Variants in PARN observed in about 807,000 individuals in gnomAD.
PARN encodes the protein poly(A)-specific ribonuclease, also known as poly(A)-specific ribonuclease PARN.
In PARN, 71 loss-of-function variants were observed where a neutral mutation model predicts 102.8. The ratio of observed to expected loss-of-function variants is 0.69; its 90% CI spans 0.57 to 0.84. The LOEUF is 0.84. Ranked by LOEUF, PARN falls within the 40% of genes least tolerant of loss-of-function variation. The pLI is 0.00. For synonymous variants in PARN, 261 were observed against 252.9 expected, an observed-to-expected ratio of 1.03 and a Z score of -0.30; for missense variants, 782 against 760.9, an observed-to-expected ratio of 1.03 and a Z score of -0.33.
chr16:14,572,479 T>C (rs1003922620), intron 18 of PARN, among the ~76,000 whole-genome samples: 1 of 152,198 alleles, frequency 6.6e-6, no homozygotes, highest in African/African-American at 2.4e-5. Flanking sequence ...CAGCATGCAA[T>C]TGCTTTCTAT....
At chr16:14,604,104 T>C in intron 11 of PARN, 42 bp downstream of exon 11, 1 of 1,083,204 alleles carries the variant, frequency 9.2e-7, no homozygotes, top group African/African-American at 1.5e-5. Flanking sequence ...AATATTTATG[T>C]TGCCATTTCT....
chr16:14,598,137 C>G (rs1260280757), intron 12 of PARN, among the ~76,000 whole-genome samples: 5 of 151,130 alleles, frequency 3.3e-5, no homozygotes, highest in African/African-American at 1.2e-4. Context: ...AGCGAGACTC[C>G]GGCTCAAAAA....
At chr16:14,438,023 G>A (rs1471354472) in intron 23 of PARN, among the ~76,000 whole-genome samples, 2 of 152,094 alleles carry the variant, frequency 1.3e-5, no homozygotes, top group Non-Finnish European at 2.9e-5. Flanking sequence ...TTCTGCCCTG[G>A]GTCTCATCGC....
At position 14,615,303 on chromosome 16, in the gene PARN, G is replaced by GAA. The variant is rs201764886; in HGVS notation, c.388+2285_388+2286dup. Among the ~76,000 whole-genome samples the GAA allele has an allele frequency of 1.5e-3, 190 of 129,380 alleles. 2 individuals carry two copies. The highest frequency in any genetic ancestry group is 4.7e-3 in the African/African-American group (167 of 35,270). The allele number at this position is 129,380 out of a possible 152,430, so 84.9% of individuals were successfully genotyped here. On this transcript the variant is annotated intron_variant, in intron 6 of 23. Transcript: ENST00000437198. Reference sequence around the variant, plus strand: ...TCTGGCTGTTTCTCTTCTTTTATGGGAAAAAAAAAAAAAAACAAGTTAGAA... The same window carrying GAA: ...TCTGGCTGTTTCTCTTCTTTTATGGGAAAAAAAAAAAAAAAAACAAGTTAGAA...
intron 18 of PARN, among the ~76,000 whole-genome samples, chr16:14,577,046 C>T (rs1270276322): frequency 2.6e-5 from 4 of 152,086 alleles, no homozygotes; most frequent in East Asian, 3.9e-4. Context: ...TATTTCCCTT[C>T]GAGGTTTACT....
chr16:14,584,786 AAG>A lies in PARN; in HGVS notation c.966_967del (p.Leu323GlyfsTer3). 2.6e-6 allele frequency: 4 copies of A among 1,548,358 alleles called. No homozygotes were observed. The highest frequency in any genetic ancestry group is 3.5e-6 in the Non-Finnish European group (4 of 1,149,662). On this transcript the variant is annotated frameshift_variant, in exon 15 of 24. Transcript: ENST00000437198. LOFTEE classifies it high-confidence loss of function. ...TGTGCTGGCCATCAATTTAGTATCC[AAG>A]AGTCTAAAAAGAATTTTTAACAAGG... is the stretch of plus-strand genomic sequence containing the variant.
At chr16:14,512,114 T>C (rs971093746) in intron 21 of PARN, among the ~76,000 whole-genome samples, 1 of 152,240 alleles carries the variant, frequency 6.6e-6, no homozygotes, top group African/African-American at 2.4e-5. Flanking sequence ...CAAAAGTCAG[T>C]ATGACAAAGA....
At chr16:14,527,011 C>T (rs1333680664) in intron 21 of PARN, among the ~76,000 whole-genome samples, 1 of 152,244 alleles carries the variant, frequency 6.6e-6, no homozygotes, top group East Asian at 1.9e-4. Flanking sequence ...GAACAACAAA[C>T]ACTCCAGTCT....
At chr16:14,537,890 G>A (rs920735730) in intron 21 of PARN, among the ~76,000 whole-genome samples, 1 of 152,160 alleles carries the variant, frequency 6.6e-6, no homozygotes, top group African/African-American at 2.4e-5. Context: ...TGTGGTAAAT[G>A]TGGTTAAATA....
chr16:14,481,786 A>T (rs758904553), intron 22 of PARN, among the ~76,000 whole-genome samples: 6 of 152,204 alleles, frequency 3.9e-5, no homozygotes, highest in Non-Finnish European at 5.9e-5. Flanking sequence ...TATAATGAAC[A>T]TATGTATGTA....
rs375818973 is a variant in PARN, at chr16:14,610,658, A to G, written c.540T>C (p.Phe180=). ...TAGGAACTTACACCACTTGGTCAAT[A>G]AACTTCTTTTGATCCTCAGGAATCG... is the stretch of plus-strand genomic sequence containing the variant. ...PVTIPEDQKK[F]IDQVVEKIED... The change falls in exon 7 of 24, where the codon TTT becomes TTC. Residue 180 remains phenylalanine, a synonymous_variant. Coordinates refer to ENST00000437198, the MANE Select transcript of PARN (RefSeq NM_002582.4). 98 of 1,608,660 alleles carry G rather than the reference A, an allele frequency of 6.1e-5. No individual in the cohort carries two copies. Among genetic ancestry groups the G allele is most frequent in the Non-Finnish European group, 8.1e-5 (95 of 1,175,272 alleles).
At chr16:14,570,321 C>CAAAAAAAAAAA (rs59965954) in intron 18 of PARN, among the ~76,000 whole-genome samples, 23 of 63,064 alleles carry the variant, frequency 3.6e-4, no homozygotes, top group African/African-American at 8.3e-4. Context: ...GACTCTGTCT[C>CAAAAAAAAAAA]AAAAAAAAAA....
At chr16:14,469,561 C>G (rs1055541960) in intron 22 of PARN, among the ~76,000 whole-genome samples, 2 of 152,124 alleles carry the variant, frequency 1.3e-5, no homozygotes, top group Non-Finnish European at 2.9e-5. Context: ...AACATGGAAC[C>G]ACCTATCAGT....
intron 18 of PARN, among the ~76,000 whole-genome samples, chr16:14,566,330 G>A (rs1731330784): frequency 6.6e-6 from 1 of 152,176 alleles, no homozygotes; most frequent in Non-Finnish European, 1.5e-5. Flanking sequence ...ACACACAGAG[G>A]AGGAGGAGGC....
intron 5 of PARN, among the ~76,000 whole-genome samples, chr16:14,624,193 A>G (rs989891768): frequency 6.6e-6 from 1 of 152,170 alleles, no homozygotes; most frequent in African/African-American, 2.4e-5. Flanking sequence ...TTTAAGGGTG[A>G]TAAGAGCTTT....
intron 21 of PARN, among the ~76,000 whole-genome samples, chr16:14,493,944 A>G (rs766080417): frequency 7.2e-5 from 11 of 152,264 alleles, no homozygotes; most frequent in Non-Finnish European, 1.2e-4. Context: ...TAATGCTTGT[A>G]AAGAACTATG....
chr16:14,629,693 G>A lies in PARN; in HGVS notation c.20-19C>T, dbSNP rs1214041682. 5.0e-6 allele frequency: 8 copies of A among 1,586,030 alleles called. No homozygotes were observed. The highest frequency in any genetic ancestry group is 6.9e-6 in the Non-Finnish European group (8 of 1,154,380). ...TTAAAATCTGCGGAGAAACCGAAAA[G>A]AGGCTCAGAACCAGTGGCCTGAATT... On this transcript the variant is annotated intron_variant, in intron 1 of 23. Transcript: ENST00000437198.
chr16:14,614,784 G>T (rs573685480), intron 6 of PARN, among the ~76,000 whole-genome samples: 2 of 145,400 alleles, frequency 1.4e-5, no homozygotes, highest in South Asian at 4.6e-4. Context: ...GGAGGCAGAG[G>T]TGGTGGTGAG....
At chr16:14,510,682 G>A (rs1965140424) in intron 21 of PARN, among the ~76,000 whole-genome samples, 1 of 152,202 alleles carries the variant, frequency 6.6e-6, no homozygotes, top group Non-Finnish European at 1.5e-5. Context: ...CCATGCCAGA[G>A]AAGTGTGTTT....
Sources: gnomAD v4.1 joint callset for allele counts (sites outside exome capture counted in the v4.1 genomes callset) on GRCh38, gnomAD v4.1.1 for gene constraint, MANE v1.5 for transcripts, NCBI Gene and HGNC (gene_info 2026-07-23, HGNC 2026-07-21) for gene names.